The following CNTN3 variants were observed in gnomAD, a reference collection of about 807,000 sequenced individuals.
CNTN3 encodes contactin-3.
CNTN3 carries 60 observed loss-of-function variants against 119.1 expected under a neutral mutation model. The observed-to-expected ratio is 0.50, with a 90% CI of 0.41 to 0.62. CNTN3 has a LOEUF of 0.62. CNTN3 is among the 20% of genes least tolerant of loss of function. The probability of loss-of-function intolerance (pLI) is 0.00; values close to 1 mark genes in which losing one functional copy is unlikely to be tolerated. For missense variants in CNTN3, 1,101 were observed against 1,242.4 expected, an observed-to-expected ratio of 0.89 and a Z score of 1.71; for synonymous variants, 450 against 438.7, an observed-to-expected ratio of 1.03 and a Z score of -0.32.
intron 11 of CNTN3, among the ~76,000 whole-genome samples, chr3:74,347,319 G>A (rs187078907): frequency 1.4e-4 from 21 of 152,128 alleles, no homozygotes; most frequent in Middle Eastern, 6.8e-3. Context: ...ACAGCTCACT[G>A]CAACCTCCAA....
chr3:74,511,698 C>A (rs1424369688), intron 2 of CNTN3, among the ~76,000 whole-genome samples: 1 of 151,834 alleles, frequency 6.6e-6, no homozygotes, highest in Admixed American at 6.6e-5. Context: ...CATTTCATAA[C>A]GTGAAAATTA....
chr3:74,399,132 T>A (rs1047736395), intron 5 of CNTN3, among the ~76,000 whole-genome samples: 18 of 152,134 alleles, frequency 1.2e-4, no homozygotes, highest in Non-Finnish European at 2.1e-4. Context: ...TTTTTTTTAA[T>A]CTTTTATTAT....
intron 1 of CNTN3, among the ~76,000 whole-genome samples, chr3:74,551,031 C>T (rs944192907): frequency 6.6e-6 from 1 of 152,192 alleles, no homozygotes; most frequent in Non-Finnish European, 1.5e-5. Flanking sequence ...AACCAACATG[C>T]CACTTGGCAG....
intron 5 of CNTN3, among the ~76,000 whole-genome samples, chr3:74,382,982 C>T (rs1292594442): frequency 6.6e-6 from 1 of 152,156 alleles, no homozygotes; most frequent in African/African-American, 2.4e-5. Context: ...TTACAGTATA[C>T]ATCAATGCAA....
At chr3:74,300,006 G>A in intron 16 of CNTN3, 68 bp from the exon 17 acceptor site, 2 of 1,004,522 alleles carry the variant, frequency 2.0e-6, no homozygotes, top group Non-Finnish European at 2.8e-6. Context: ...AAAAGATAAT[G>A]CAATGTTTTT....
intron 1 of CNTN3, among the ~76,000 whole-genome samples, chr3:74,603,561 A>C (rs1046998365): frequency 1.3e-5 from 2 of 152,180 alleles, no homozygotes; most frequent in Non-Finnish European, 2.9e-5. Flanking sequence ...TATCAAAGCA[A>C]AAGCCGACTG....
chr3:74,290,228 T>A (rs994425048), intron 19 of CNTN3, among the ~76,000 whole-genome samples: 3 of 152,236 alleles, frequency 2.0e-5, no homozygotes, highest in Non-Finnish European at 4.4e-5. Flanking sequence ...CTATGTTAGA[T>A]GGTGTAGCGT....
chr3:74,402,403 A>C (rs1705221309), intron 5 of CNTN3, among the ~76,000 whole-genome samples: 2 of 152,176 alleles, frequency 1.3e-5, no homozygotes, highest in African/African-American at 4.8e-5. Flanking sequence ...CTTGGAACTC[A>C]TCAATTTCTA....
intron 1 of CNTN3, among the ~76,000 whole-genome samples, chr3:74,549,787 C>T (rs930518631): frequency 6.6e-6 from 1 of 152,142 alleles, no homozygotes; most frequent in Non-Finnish European, 1.5e-5. Context: ...GTCATACAAC[C>T]TGACAGACGC....
Position 74,329,996 on chromosome 3 carries a change from C to T in CNTN3, c.1668+4739G>A, listed in dbSNP as rs143840339. On this transcript the variant is annotated intron_variant, in intron 13 of 22. Coordinates refer to ENST00000263665, the MANE Select transcript of CNTN3 (RefSeq NM_020872.3). ...GGAGAGAATGGGATAAATACAGTTA[C>T]GTGTCACCACATAAGGACTTTTTGG... is the stretch of plus-strand genomic sequence containing the variant. 3.3e-5 allele frequency among the ~76,000 whole-genome samples: 5 copies of T among 152,258 alleles called. No individual in the cohort carries two copies. In the East Asian group the frequency reaches 9.7e-4, roughly 29 times the overall value.
chr3:74,452,872 G>A (rs1245004876), intron 4 of CNTN3, among the ~76,000 whole-genome samples: 1 of 151,808 alleles, frequency 6.6e-6, no homozygotes, highest in Admixed American at 6.6e-5. Flanking sequence ...AAGCCCACTT[G>A]ATCATGGTGG....
chr3:74,599,061 A>T (rs912862531), intron 1 of CNTN3, among the ~76,000 whole-genome samples: 2 of 152,110 alleles, frequency 1.3e-5, no homozygotes, highest in African/African-American at 4.8e-5. Context: ...TTAGCATAAC[A>T]CTTAACACAT....
intron 10 of CNTN3, among the ~76,000 whole-genome samples, chr3:74,364,258 C>T (rs753416586): frequency 2.0e-5 from 3 of 152,102 alleles, no homozygotes; most frequent in South Asian, 2.1e-4. Context: ...TAACTTAACC[C>T]TTGGTCCTCA....
At chr3:74,455,933 G>A (rs1409166749) in intron 4 of CNTN3, among the ~76,000 whole-genome samples, 1 of 152,084 alleles carries the variant, frequency 6.6e-6, no homozygotes, top group East Asian at 1.9e-4. Flanking sequence ...ATTCCCCAGT[G>A]AAGCTGATGC....
Position 74,301,461 on chromosome 3 carries a change from T to C in CNTN3, c.2032A>G (p.Ser678Gly). The change falls in exon 16 of 23, where the codon AGT becomes GGT. Residue 678 changes from serine to glycine, a missense_variant. Coordinates refer to ENST00000263665, the MANE Select transcript of CNTN3 (RefSeq NM_020872.3). ...WVEYEFRVVA[S>G]NKIGGGEPSL... ...GGTTCTCCACCTCCAATTTTGTTAC[T>C]GGCTACAACCCGAAATTCATATTCC... The C allele has an allele frequency of 6.2e-7, 1 of 1,614,144 alleles. No homozygotes were observed. Among genetic ancestry groups the C allele is most frequent in the Non-Finnish European group, 8.5e-7 (1 of 1,179,988 alleles).
chr3:74,368,087 G>C (rs1704242267), intron 8 of CNTN3, among the ~76,000 whole-genome samples: 1 of 152,078 alleles, frequency 6.6e-6, no homozygotes, highest in Non-Finnish European at 1.5e-5. Context: ...CAAGCAACAA[G>C]ATGGGAGAGT....
At chr3:74,469,310 C>T (rs1033947958) in intron 4 of CNTN3, among the ~76,000 whole-genome samples, 10 of 151,996 alleles carry the variant, frequency 6.6e-5, no homozygotes, top group Admixed American at 2.6e-4. Context: ...ATTTTAACCC[C>T]GCTAGAAGAC....
intron 4 of CNTN3, among the ~76,000 whole-genome samples, chr3:74,438,203 A>C (rs1183839070): frequency 6.6e-6 from 1 of 151,786 alleles, no homozygotes; most frequent in Non-Finnish European, 1.5e-5. Context: ...AGTGTAGATT[A>C]AAATGTCTCA....
chr3:74,309,316 G>T (rs920507458), intron 13 of CNTN3, among the ~76,000 whole-genome samples: 1 of 152,036 alleles, frequency 6.6e-6, no homozygotes, highest in African/African-American at 2.4e-5. Context: ...TATTGGCCAG[G>T]CTGGTCTTGA....
Sources: gnomAD v4.1 joint callset for allele counts (sites outside exome capture counted in the v4.1 genomes callset) on GRCh38, gnomAD v4.1.1 for gene constraint, MANE v1.5 for transcripts, NCBI Gene and HGNC (gene_info 2026-07-23, HGNC 2026-07-21) for gene names.